SPAG1: variants seen among roughly 807,000 people sequenced by gnomAD.
The protein encoded by SPAG1 is sperm-associated antigen 1.
Under a neutral mutation model 100.5 loss-of-function variants are expected in SPAG1, and 69 were observed. The observed-to-expected ratio is 0.69, with a 90% CI of 0.57 to 0.84. The LOEUF is 0.84. SPAG1 is among the 40% of genes least tolerant of loss of function. The pLI is 0.00. For synonymous variants in SPAG1, 336 were observed against 411.6 expected, an observed-to-expected ratio of 0.82 and a Z score of 2.22; for missense variants, 955 against 1,133.1, an observed-to-expected ratio of 0.84 and a Z score of 2.26.
chr8:100,229,801 G>A (rs1012874658), intron 14 of SPAG1, among the ~76,000 whole-genome samples: 1 of 152,196 alleles, frequency 6.6e-6, no homozygotes, highest in African/African-American at 2.4e-5. Context: ...AACTTATAAT[G>A]CCTCAAGTAA....
At chr8:100,158,468 T>G (rs1038197750), upstream of SPAG1, 1 of 152,150 alleles carries the variant, frequency 6.6e-6, no homozygotes, top group South Asian at 2.1e-4. Context: ...CCGCTGTACA[T>G]AGAAACCGTT....
chr8:100,240,778 G>A lies in SPAG1; in HGVS notation c.2649+7G>A. The A allele has an allele frequency of 1.4e-5, 22 of 1,574,250 alleles. No individual in the cohort carries two copies. The highest frequency in any genetic ancestry group is 1.8e-5 in the Non-Finnish European group (21 of 1,165,112). ...TAAAGCAGAAAGGTTTAAGGTAAGT[G>A]GCTAAGTATTTTATTAGTAGAAATT... is the stretch of plus-strand genomic sequence containing the variant. On this transcript the variant is annotated splice_region_variant and intron_variant, in intron 18 of 18. Transcript: ENST00000388798.
chr8:100,174,045 C>T (rs1484627736), intron 3 of SPAG1, among the ~76,000 whole-genome samples: 1 of 152,078 alleles, frequency 6.6e-6, no homozygotes, highest in Non-Finnish European at 1.5e-5. Context: ...AAAATTGACT[C>T]ATAGGAAACT....
chr8:100,220,410 T>G lies in SPAG1; in HGVS notation c.1667T>G (p.Leu556Arg), dbSNP rs1317277134. ...TTGCAGATAGACTGTGGACTCCAGC[T>G]AGCAAATGACAGTGTTAACAGGTAA... ...TVLQIDCGLQLANDSVNRLSR... is the reference protein window; with the variant it reads ...TVLQIDCGLQRANDSVNRLSR... The change falls in exon 13 of 19, where the codon CTA becomes CGA. Residue 556 changes from leucine (L) to arginine (R), a missense_variant. Physicochemically the swap from Leu to Arg is moderately radical, Grantham distance 102. Coordinates refer to ENST00000388798, the MANE Select transcript of SPAG1 (RefSeq NM_003114.5). 1 of 1,613,288 alleles carries G rather than the reference T, an allele frequency of 6.2e-7. No individual in the cohort carries two copies. Among genetic ancestry groups the G allele is most frequent in the Non-Finnish European group, 8.5e-7 (1 of 1,179,736 alleles).
rs139380177 is a variant in SPAG1, at chr8:100,233,035, C to G, written c.1989-376C>G. On this transcript the variant is annotated intron_variant, in intron 15 of 18. Transcript: ENST00000388798. ...ATTGGATAATTCTTAACTTCATACT[C>G]TGGATTTCAACTTAAATGTCACTTC... 70 of 270,576 alleles carry G rather than the reference C, an allele frequency of 2.6e-4. 2 individuals carry two copies. Among genetic ancestry groups the G allele is most frequent in the Middle Eastern group, 2.6e-3 (2 of 778 alleles). The allele number at this position is 270,576 out of a possible 1,614,324, so 16.8% of individuals were successfully genotyped here.
rs1817809544 is a variant in SPAG1, at chr8:100,213,215, C to G, written c.1222C>G (p.Gln408Glu). Reference protein sequence around the residue: ...RPARGAPQRGQTPEAGADKRS... With the variant: ...RPARGAPQRGETPEAGADKRS... ...GGCAAGGGGCGCGCCGCAGCGGGGC[C>G]AGACCCCGGAGGCCGGCGCGGACAA... Residue 408 changes from glutamine to glutamate, a missense_variant, in exon 11 of 19, where the codon CAG becomes GAG. Gln to Glu is a conservative substitution (Grantham distance 29, BLOSUM62 2). Coordinates refer to ENST00000388798, the MANE Select transcript of SPAG1 (RefSeq NM_003114.5). 7.0e-7 allele frequency: 1 copy of G among 1,423,764 alleles called. No homozygotes were observed. Among genetic ancestry groups the G allele is most frequent in the Non-Finnish European group, 9.2e-7 (1 of 1,091,096 alleles). 88.2% of individuals were successfully genotyped at this position (1,423,764 alleles called of 1,614,324 possible).
chr8:100,198,736 C>T (rs1327152374), intron 10 of SPAG1, among the ~76,000 whole-genome samples: 1 of 152,166 alleles, frequency 6.6e-6, no homozygotes, highest in East Asian at 1.9e-4. Flanking sequence ...AATTTCAGAA[C>T]ATTTTTATCA....
intron 8 of SPAG1, among the ~76,000 whole-genome samples, chr8:100,188,646 A>T (rs1816684906): frequency 6.6e-6 from 1 of 152,220 alleles, no homozygotes; most frequent in South Asian, 2.1e-4. Flanking sequence ...CTTTTCTGTT[A>T]TCAAGAAGGA....
At chr8:100,228,596 C>G (rs1299139761) in intron 14 of SPAG1, among the ~76,000 whole-genome samples, 1 of 151,740 alleles carries the variant, frequency 6.6e-6, no homozygotes, top group African/African-American at 2.4e-5. Flanking sequence ...CCCTGTAGTC[C>G]CAGCTGCTTG....
At chr8:100,238,090 A>T (rs1281771470) in intron 16 of SPAG1, among the ~76,000 whole-genome samples, 1 of 152,124 alleles carries the variant, frequency 6.6e-6, no homozygotes, top group Non-Finnish European at 1.5e-5. Flanking sequence ...ATCAGCCTTT[A>T]TTACTTCCTC....
At chr8:100,215,264 A>G (rs1817927009) in intron 12 of SPAG1, among the ~76,000 whole-genome samples, 2 of 151,738 alleles carry the variant, frequency 1.3e-5, no homozygotes, top group South Asian at 2.1e-4. Flanking sequence ...GTGGTACTCA[A>G]TAAGTTACCT....
intron 10 of SPAG1, among the ~76,000 whole-genome samples, chr8:100,198,997 T>C (rs533056133): frequency 3.3e-5 from 5 of 152,304 alleles, no homozygotes; most frequent in African/African-American, 1.2e-4. Context: ...GTGTAGATAA[T>C]ACCAGATTTT....
At position 100,183,475 on chromosome 8, in the gene SPAG1, A is replaced by G. The variant is rs192527756; in HGVS notation, c.488+39A>G. Reference sequence around the variant, plus strand: ...GTCTTTATATAAAATGTATCACTAAAAAAGTTATCTACCACAAAATACTGC... The same window carrying G: ...GTCTTTATATAAAATGTATCACTAAGAAAGTTATCTACCACAAAATACTGC... On this transcript the variant is annotated intron_variant, in intron 5 of 18. Transcript: ENST00000388798. The G allele has an allele frequency of 2.7e-4, 263 of 981,690 alleles. 1 individual carries two copies. The African/African-American group carries it at 3.7e-3, about 14-fold the overall frequency. 60.8% of individuals were successfully genotyped at this position (981,690 alleles called of 1,614,324 possible).
chr8:100,225,855 CA>C (rs1231645632), intron 14 of SPAG1, among the ~76,000 whole-genome samples: 2 of 152,008 alleles, frequency 1.3e-5, no homozygotes, highest in Admixed American at 1.3e-4. Context: ...TGTTTTGAGA[CA>C]GGGGCTTGCT....
intron 13 of SPAG1, among the ~76,000 whole-genome samples, chr8:100,224,061 A>G (rs1818398676): frequency 6.6e-6 from 1 of 152,120 alleles, no homozygotes; most frequent in South Asian, 2.1e-4. Flanking sequence ...TTTTAACCAG[A>G]TTTGTTCAAA....
intron 16 of SPAG1, among the ~76,000 whole-genome samples, chr8:100,235,063 G>A (rs1818942069): frequency 6.6e-6 from 1 of 152,166 alleles, no homozygotes; most frequent in Non-Finnish European, 1.5e-5. Flanking sequence ...AGACTGGGTG[G>A]CCTGAACAAC....
chr8:100,194,542 A>C (rs1442153276), intron 10 of SPAG1: 1 of 538,746 alleles, frequency 1.9e-6, no homozygotes, highest in Non-Finnish European at 3.2e-6. Context: ...TATTTGACAC[A>C]GACCATTTGC....
intron 10 of SPAG1, among the ~76,000 whole-genome samples, chr8:100,202,597 C>G (rs1253996319): frequency 6.7e-6 from 1 of 149,322 alleles, no homozygotes; most frequent in Non-Finnish European, 1.5e-5. Context: ...GTAGTCCCAG[C>G]TACTCGGGAG....
intron 7 of SPAG1, among the ~76,000 whole-genome samples, chr8:100,185,461 G>C (rs1014200021): frequency 6.6e-6 from 1 of 152,114 alleles, no homozygotes; most frequent in East Asian, 1.9e-4. Flanking sequence ...CTTGTCAGAA[G>C]TATAATTTAA....
Sources: gnomAD v4.1 joint callset for allele counts (sites outside exome capture counted in the v4.1 genomes callset) on GRCh38, gnomAD v4.1.1 for gene constraint, MANE v1.5 for transcripts, NCBI Gene and HGNC (gene_info 2026-07-23, HGNC 2026-07-21) for gene names.